MAPKAP1: variants seen among roughly 807,000 people sequenced by gnomAD.
MAPKAP1 encodes MAPK associated protein 1.
A neutral mutation model predicts 65.7 loss-of-function variants in MAPKAP1; 20 were observed. The ratio of observed to expected loss-of-function variants is 0.30; its 90% CI spans 0.21 to 0.44. The LOEUF (loss-of-function observed/expected upper bound fraction) is 0.44, where lower values mean the gene tolerates loss of function less well. MAPKAP1 is among the 20% of genes least tolerant of loss of function. The probability of loss-of-function intolerance (pLI) is 1.00; values close to 1 mark genes in which losing one functional copy is unlikely to be tolerated. For missense variants in MAPKAP1, 423 were observed against 648.0 expected (o/e 0.65, Z 3.77); for synonymous variants, 222 against 244.3 (o/e 0.91, Z 0.85).
At chr9:125,596,963 TA>T (rs56718500) in intron 4 of MAPKAP1, among the ~76,000 whole-genome samples, 2,526 of 129,292 alleles carry the variant, frequency 0.02, 140 homozygotes, top group East Asian at 0.15. Flanking sequence ...AAATGTGTCT[TA>T]AAAAAAAAAA....
chr9:125,581,012 C>T (rs1283467798), intron 5 of MAPKAP1, among the ~76,000 whole-genome samples: 6 of 152,158 alleles, frequency 3.9e-5, no homozygotes, highest in Admixed American at 3.9e-4. Flanking sequence ...GTGAATCCAC[C>T]CAAGTCACTG....
chr9:125,461,063 C>G (rs1853476179), intron 10 of MAPKAP1, among the ~76,000 whole-genome samples: 1 of 152,214 alleles, frequency 6.6e-6, no homozygotes, highest in Non-Finnish European at 1.5e-5. Flanking sequence ...CAATGCTATC[C>G]AACTCTGCCA....
intron 7 of MAPKAP1, among the ~76,000 whole-genome samples, chr9:125,536,442 G>A (rs778802049): frequency 3.3e-5 from 5 of 152,220 alleles, no homozygotes; most frequent in Admixed American, 1.3e-4. Context: ...ACTGGATATA[G>A]AGTGTCAGGT....
chr9:125,476,614 G>A (rs1854120573), intron 9 of MAPKAP1, among the ~76,000 whole-genome samples: 2 of 152,148 alleles, frequency 1.3e-5, no homozygotes, highest in South Asian at 2.1e-4. Context: ...TAGCCTGAGA[G>A]TGTGCCTGAG....
At chr9:125,580,651 T>C (rs1359048204) in intron 5 of MAPKAP1, among the ~76,000 whole-genome samples, 2 of 151,230 alleles carry the variant, frequency 1.3e-5, no homozygotes, top group African/African-American at 4.9e-5. Flanking sequence ...AACCTGCACG[T>C]TGTGCACATG....
intron 4 of MAPKAP1, among the ~76,000 whole-genome samples, chr9:125,592,099 C>T (rs573874067): frequency 6.6e-6 from 1 of 152,206 alleles, no homozygotes; most frequent in African/African-American, 2.4e-5. Flanking sequence ...TGATGCTGGG[C>T]TCCGAAGACA....
At chr9:125,651,973 T>C (rs1833906861) in intron 4 of MAPKAP1, 3 of 518,862 alleles carry the variant, frequency 5.8e-6, no homozygotes, top group Non-Finnish European at 8.0e-6. Context: ...TTTTTTTTTC[T>C]TTGGGAAAGA....
intron 5 of MAPKAP1, among the ~76,000 whole-genome samples, chr9:125,584,172 C>G (rs567991383): frequency 6.6e-6 from 1 of 152,282 alleles, no homozygotes; most frequent in African/African-American, 2.4e-5. Context: ...GAGGACCTCA[C>G]AGCTCACCCT....
At chr9:125,480,454 G>A (rs556765966) in intron 9 of MAPKAP1, among the ~76,000 whole-genome samples, 10 of 152,178 alleles carry the variant, frequency 6.6e-5, no homozygotes, top group South Asian at 6.2e-4. Flanking sequence ...GCCTCCAGTC[G>A]CCTCACTTCC....
At chr9:125,506,067 G>C (rs1371764005) in intron 8 of MAPKAP1, 1 of 528,376 alleles carries the variant, frequency 1.9e-6, no homozygotes, top group Non-Finnish European at 3.4e-6. Context: ...AACTTAGGAA[G>C]ACAGTTTAAC....
intron 10 of MAPKAP1, among the ~76,000 whole-genome samples, chr9:125,456,704 G>A (rs1217686134): frequency 1.3e-5 from 2 of 152,172 alleles, no homozygotes; most frequent in African/African-American, 2.4e-5. Flanking sequence ...GTGTTCCCAA[G>A]GAAGTAAACT....
At chr9:125,650,213 A>G (rs1470493146) in intron 4 of MAPKAP1, among the ~76,000 whole-genome samples, 1 of 152,154 alleles carries the variant, frequency 6.6e-6, no homozygotes, top group African/African-American at 2.4e-5. Context: ...TAGTTTCTCT[A>G]TCCTCACAAA....
intron 1 of MAPKAP1, among the ~76,000 whole-genome samples, chr9:125,693,442 T>C (rs34286781): frequency 0.28 from 39,563 of 139,206 alleles, 6,615 homozygotes; most frequent in Non-Finnish European, 0.38. Context: ...TATATATATA[T>C]ACACACACAC....
chr9:125,563,897 G>A (rs1030845220), intron 5 of MAPKAP1, among the ~76,000 whole-genome samples: 6 of 152,134 alleles, frequency 3.9e-5, no homozygotes, highest in African/African-American at 1.4e-4. Flanking sequence ...ATTTTTAGTA[G>A]AGACAGGGTT....
chr9:125,629,159 T>A (rs1833200943), intron 4 of MAPKAP1, among the ~76,000 whole-genome samples: 1 of 152,096 alleles, frequency 6.6e-6, no homozygotes. Flanking sequence ...GGTAGAAATG[T>A]AAAATAATGC....
intron 7 of MAPKAP1, among the ~76,000 whole-genome samples, chr9:125,540,870 A>T (rs533084982): frequency 6.6e-6 from 1 of 152,300 alleles, no homozygotes; most frequent in Admixed American, 6.5e-5. Flanking sequence ...TCTTTTCATT[A>T]ATCACTCTCC....
chr9:125,601,072 T>C (rs938336175), intron 4 of MAPKAP1, among the ~76,000 whole-genome samples: 1 of 152,160 alleles, frequency 6.6e-6, no homozygotes, highest in African/African-American at 2.4e-5. Context: ...TATCATAATA[T>C]AATGAGTCTT....
At chr9:125,585,759 C>A in intron 4 of MAPKAP1, 32 bp from the exon 5 acceptor site, 1 of 1,605,946 alleles carries the variant, frequency 6.2e-7, no homozygotes, top group Non-Finnish European at 8.5e-7. Flanking sequence ...GAGAGCAAAG[C>A]ACACTGCCAG....
chr9:125,597,766 T>C (rs191723487), intron 4 of MAPKAP1, among the ~76,000 whole-genome samples: 50 of 152,274 alleles, frequency 3.3e-4, no homozygotes, highest in Non-Finnish European at 5.7e-4. Flanking sequence ...ATGATGCAAA[T>C]TGATAAAAGA....
Sources: gnomAD v4.1 joint callset for allele counts (sites outside exome capture counted in the v4.1 genomes callset) on GRCh38, gnomAD v4.1.1 for gene constraint, MANE v1.5 for transcripts, NCBI Gene and HGNC (gene_info 2026-07-23, HGNC 2026-07-21) for gene names.